CTDP1: variants seen among roughly 807,000 people sequenced by gnomAD.
The protein encoded by CTDP1 is RNA polymerase II subunit A C-terminal domain phosphatase.
Under a neutral mutation model 91.8 loss-of-function variants are expected in CTDP1, and 47 were observed. The observed-to-expected ratio is 0.51, with a 90% CI of 0.41 to 0.65. CTDP1 has a LOEUF of 0.65. Among genes scored for constraint, CTDP1 ranks in the 30% least tolerant of loss-of-function variants. The pLI, the probability that CTDP1 is intolerant of heterozygous loss-of-function variation, is 0.00. For synonymous variants in CTDP1, 656 were observed against 598.5 expected (o/e 1.10, Z -1.40); for missense variants, 1,272 against 1,373.7 (o/e 0.93, Z 1.17).
rs566909963 is a variant in CTDP1 at position 79,719,293 on chromosome 18, G to T, written c.2417+1277G>T. Among the ~76,000 whole-genome samples the T allele has an allele frequency of 3.6e-3, 547 of 152,316 alleles. 7 individuals carry two copies. Among genetic ancestry groups the T allele is most frequent in the Non-Finnish European group, 4.6e-3 (316 of 68,038 alleles). On this transcript the variant is annotated intron_variant, in intron 10 of 12. Transcript: ENST00000613122. Reference sequence around the variant, plus strand: ...TGGTGGAGAGTGTTGCTAAGAGGAGGAGTCGGGTCGGGTGACTGGGATGTG... The same window carrying T: ...TGGTGGAGAGTGTTGCTAAGAGGAGTAGTCGGGTCGGGTGACTGGGATGTG...
At chr18:79,733,386 A>G (rs1042621498) in intron 11 of CTDP1, among the ~76,000 whole-genome samples, 1 of 152,184 alleles carries the variant, frequency 6.6e-6, no homozygotes, top group Non-Finnish European at 1.5e-5. Flanking sequence ...CTGTGTGATC[A>G]TGGAACTGCG....
rs912658207 is a variant in CTDP1, at chr18:79,702,498, C to T, written c.622-2269C>T. 4.6e-5 allele frequency among the ~76,000 whole-genome samples: 7 copies of T among 152,258 alleles called. No homozygotes were observed. In the South Asian group the frequency reaches 6.2e-4, roughly 14 times the overall value. ...AAGCCATTCTTGTGCCTCAGCCTCC[C>T]GAGTAGCTGGGACTACAGGCGTGTA... On this transcript the variant is annotated intron_variant, in intron 4 of 12. Transcript: ENST00000613122.
At chr18:79,735,437 G>C (rs1599298508) in intron 11 of CTDP1, among the ~76,000 whole-genome samples, 2 of 152,370 alleles carry the variant, frequency 1.3e-5, no homozygotes, top group South Asian at 2.1e-4. Flanking sequence ...CTTGGGATGG[G>C]AGCCCCCGGG....
chr18:79,743,118 T>C (rs1045558630), intron 12 of CTDP1, among the ~76,000 whole-genome samples: 5 of 152,234 alleles, frequency 3.3e-5, no homozygotes, highest in Non-Finnish European at 7.3e-5. Context: ...CCAGGAGTGC[T>C]GAACAAGAAG....
At chr18:79,723,973 C>T (rs928345704) in intron 10 of CTDP1, among the ~76,000 whole-genome samples, 12 of 152,238 alleles carry the variant, frequency 7.9e-5, no homozygotes, top group Admixed American at 6.5e-4. Context: ...GTGGTGGAGC[C>T]AACTGTGGTT....
At chr18:79,695,337 C>G (rs1389482100) in intron 2 of CTDP1, 29 bp downstream of exon 2, 3 of 1,602,428 alleles carry the variant, frequency 1.9e-6, no homozygotes, top group Non-Finnish European at 2.6e-6. Context: ...GAGATCGCTG[C>G]CTGCTGGGGC....
Position 79,719,267 on chromosome 18 carries a change from A to C in CTDP1, c.2417+1251A>C, listed in dbSNP as rs113886708. Among the ~76,000 whole-genome samples, 1,162 of 152,278 alleles carry C rather than the reference A, an allele frequency of 7.6e-3. 9 individuals are homozygous for C. The highest frequency in any genetic ancestry group is 0.012 in the Non-Finnish European group (810 of 68,018). ...GGCTGATTTCACGGCCCTTGAGGTC[A>C]TGGTGGAGAGTGTTGCTAAGAGGAG... On this transcript the variant is annotated intron_variant, in intron 10 of 12. Coordinates refer to ENST00000613122, the MANE Select transcript of CTDP1 (RefSeq NM_004715.5).
chr18:79,695,717 G>C (rs1370935829), intron 2 of CTDP1, among the ~76,000 whole-genome samples: 1 of 152,212 alleles, frequency 6.6e-6, no homozygotes, highest in Non-Finnish European at 1.5e-5. Flanking sequence ...GCCTGTTTCT[G>C]CTTCTGTGTG....
intron 4 of CTDP1, among the ~76,000 whole-genome samples, chr18:79,699,176 C>T (rs1332857634): frequency 6.6e-6 from 1 of 152,210 alleles, no homozygotes; most frequent in Non-Finnish European, 1.5e-5. Context: ...TCTTACACAG[C>T]AGTCTATTCT....
chr18:79,696,174 C>T (rs1228903344), intron 3 of CTDP1, 104 bp downstream of exon 3: 8 of 935,280 alleles, frequency 8.6e-6, no homozygotes, highest in South Asian at 1.4e-5. Context: ...TGGTTGTCAT[C>T]GTCGTTACTG....
At chr18:79,735,013 AG>A (rs1270665819) in intron 11 of CTDP1, among the ~76,000 whole-genome samples, 1 of 152,200 alleles carries the variant, frequency 6.6e-6, no homozygotes, top group Non-Finnish European at 1.5e-5. Flanking sequence ...TGCTGTGACT[AG>A]CTGGACACGT....
At chr18:79,746,525 A>C (rs903855089) in intron 12 of CTDP1, among the ~76,000 whole-genome samples, 25 of 152,238 alleles carry the variant, frequency 1.6e-4, no homozygotes, top group African/African-American at 6.0e-4. Context: ...TCGTGTTTTC[A>C]TAGCTACACA....
chr18:79,734,536 C>A (rs2086628871), intron 11 of CTDP1, among the ~76,000 whole-genome samples: 1 of 151,080 alleles, frequency 6.6e-6, no homozygotes, highest in Non-Finnish European at 1.5e-5. Context: ...GGCTGCCCTG[C>A]CTCACCAGCG....
intron 5 of CTDP1, among the ~76,000 whole-genome samples, chr18:79,706,924 T>C (rs945164323): frequency 2.6e-5 from 4 of 152,266 alleles, no homozygotes; most frequent in African/African-American, 9.6e-5. Flanking sequence ...ATGTTTCTTC[T>C]CCTCCTGTCC....
chr18:79,751,567 A>AT (rs1354251704), intron 12 of CTDP1, among the ~76,000 whole-genome samples: 10 of 152,062 alleles, frequency 6.6e-5, no homozygotes, highest in Non-Finnish European at 1.3e-4. Context: ...TGATCAGCTG[A>AT]TTTTATTCCT....
chr18:79,700,048 G>A (rs963205383), intron 4 of CTDP1, among the ~76,000 whole-genome samples: 1 of 152,102 alleles, frequency 6.6e-6, no homozygotes, highest in Non-Finnish European at 1.5e-5. Flanking sequence ...CACATAAGAC[G>A]GCAAACGTAA....
chr18:79,678,300 C>A (rs1401492272), upstream of CTDP1: 2 of 152,194 alleles, frequency 1.3e-5, no homozygotes, highest in East Asian at 1.9e-4. Context: ...GTGGCAACAG[C>A]GCCACAAACA....
intron 10 of CTDP1, among the ~76,000 whole-genome samples, chr18:79,718,798 A>C (rs1460574492): frequency 6.6e-6 from 1 of 152,208 alleles, no homozygotes; most frequent in Non-Finnish European, 1.5e-5. Flanking sequence ...AGGAGCACCC[A>C]CCAAGACCTG....
Position 79,713,379 on chromosome 18 carries a change from A to G in CTDP1, c.1030+241A>G, listed in dbSNP as rs2086121452. Among the ~76,000 whole-genome samples, 1 of 152,252 alleles carries G rather than the reference A, an allele frequency of 6.6e-6. No individual in the cohort carries two copies. The highest frequency in any genetic ancestry group is 1.5e-5 in the Non-Finnish European group (1 of 68,046). On this transcript the variant is annotated intron_variant, in intron 7 of 12. Coordinates refer to ENST00000613122, the MANE Select transcript of CTDP1 (RefSeq NM_004715.5). The surrounding 1 kb of genome is among the most constrained non-coding windows in gnomAD (Gnocchi z 4.7). ...GCGTTTTCCCAGTTGAATAAAAACTAGAGGATGCTGTTTAACCTAACACAT... is the reference window on the plus strand; with the variant it reads ...GCGTTTTCCCAGTTGAATAAAAACTGGAGGATGCTGTTTAACCTAACACAT...
Sources: allele counts gnomAD v4.1 joint callset (sites outside exome capture counted in the v4.1 genomes callset), GRCh38; gene constraint gnomAD v4.1.1; non-coding constraint Gnocchi (gnomAD v3.1); transcripts MANE v1.5; gene names NCBI Gene and HGNC (gene_info 2026-07-23, HGNC 2026-07-21).